Variants in TSPAN13 observed in about 807,000 individuals in gnomAD.
The protein encoded by TSPAN13 is tetraspanin 13, also known as tetraspanin-13.
TSPAN13 carries 18 observed loss-of-function variants against 26.9 expected under a neutral mutation model. The ratio of observed to expected loss-of-function variants is 0.67; its 90% CI spans 0.46 to 0.99. TSPAN13 has a LOEUF of 0.99. Among genes scored for constraint, TSPAN13 ranks in the 50% least tolerant of loss-of-function variants. The pLI is 0.00. For synonymous variants in TSPAN13, 116 were observed against 98.4 expected, an observed-to-expected ratio of 1.18 and a Z score of -1.06; for missense variants, 201 against 249.6, an observed-to-expected ratio of 0.81 and a Z score of 1.31.
chr7:16,777,974 G>A (rs1379704573), intron 4 of TSPAN13, 63 bp downstream of exon 4: 14 of 1,181,484 alleles, frequency 1.2e-5, no homozygotes, highest in Admixed American at 2.1e-5. Flanking sequence ...GATTAATGTG[G>A]AAGAAATGGA....
At chr7:16,767,933 A>T (rs1229461142) in intron 1 of TSPAN13, among the ~76,000 whole-genome samples, 1 of 151,872 alleles carries the variant, frequency 6.6e-6, no homozygotes, top group East Asian at 1.9e-4. Context: ...TACTTTTGAG[A>T]TGGAGTATCG....
At chr7:16,783,381 CTTTT>C in intron 5 of TSPAN13, 32 bp from the exon 6 acceptor site, 1 of 1,584,500 alleles carries the variant, frequency 6.3e-7, no homozygotes, top group Non-Finnish European at 8.7e-7. Flanking sequence ...ATGTTACTTT[CTTTT>C]TCTTTACTTT....
At chr7:16,766,298 C>T (rs1001089846) in intron 1 of TSPAN13, among the ~76,000 whole-genome samples, 5 of 152,168 alleles carry the variant, frequency 3.3e-5, no homozygotes, top group Non-Finnish European at 2.9e-5. Flanking sequence ...TGTACAGTTT[C>T]GCTGTTGCTG....
At chr7:16,781,520 G>C (rs1343531380) in intron 5 of TSPAN13, among the ~76,000 whole-genome samples, 2 of 152,168 alleles carry the variant, frequency 1.3e-5, no homozygotes, top group African/African-American at 4.8e-5. Context: ...TTTGCATTTT[G>C]GATGTAGCCT....
Position 16,783,129 on chromosome 7 carries a change from C to T in TSPAN13, c.541-288C>T, listed in dbSNP as rs929594110. ...TTATCTTGAGACCCTTAACCACACC[C>T]GCAAAGTCCCTGTTACTGTGTAAGG... On this transcript the variant is annotated intron_variant, in intron 5 of 5. Coordinates refer to ENST00000262067, the MANE Select transcript of TSPAN13 (RefSeq NM_014399.4). Among the ~76,000 whole-genome samples the T allele has an allele frequency of 3.3e-5, 5 of 152,240 alleles. No homozygotes were observed. In the East Asian group the frequency reaches 7.7e-4, roughly 23 times the overall value.
chr7:16,762,662 A>C (rs900764652), intron 1 of TSPAN13, among the ~76,000 whole-genome samples: 12 of 152,172 alleles, frequency 7.9e-5, no homozygotes, highest in African/African-American at 2.9e-4. Context: ...TATTATTTTC[A>C]CGGAAAAAGA....
At chr7:16,775,594 G>C (rs1784733277) in intron 1 of TSPAN13, among the ~76,000 whole-genome samples, 1 of 152,210 alleles carries the variant, frequency 6.6e-6, no homozygotes, top group South Asian at 2.1e-4. Flanking sequence ...TCTTGTGATA[G>C]ATTCTGGGGC....
chr7:16,775,991 C>G (rs1456948588), intron 1 of TSPAN13: 5 of 399,212 alleles, frequency 1.3e-5, no homozygotes, highest in Non-Finnish European at 1.7e-5. Flanking sequence ...CTTTTTTTTT[C>G]TTTTGCAAGA....
Position 16,758,503 on chromosome 7 carries a change from T to C in TSPAN13, c.63+4473T>C, listed in dbSNP as rs189020442. Reference sequence around the variant, plus strand: ...TTGTTACAGCTTCAGGTGGAAAAAGTTGAATTTTGCTGAATTTATAGACTT... The same window carrying C: ...TTGTTACAGCTTCAGGTGGAAAAAGCTGAATTTTGCTGAATTTATAGACTT... On this transcript the variant is annotated intron_variant, in intron 1 of 5. Coordinates refer to ENST00000262067, the MANE Select transcript of TSPAN13 (RefSeq NM_014399.4). Among the ~76,000 whole-genome samples, 6 of 152,210 alleles carry C rather than the reference T, an allele frequency of 3.9e-5. No individual in the cohort carries two copies. The East Asian group carries it at 1.2e-3, about 29-fold the overall frequency.
At chr7:16,759,536 C>T (rs1784518072) in intron 1 of TSPAN13, among the ~76,000 whole-genome samples, 2 of 152,106 alleles carry the variant, frequency 1.3e-5, no homozygotes, top group Non-Finnish European at 2.9e-5. Context: ...TTGGGGATTA[C>T]ATTTCAACAT....
At chr7:16,766,600 C>G (rs1281361195) in intron 1 of TSPAN13, among the ~76,000 whole-genome samples, 1 of 152,164 alleles carries the variant, frequency 6.6e-6, no homozygotes. Flanking sequence ...CCTCCTCTTT[C>G]CTAAATTGGA....
intron 5 of TSPAN13, among the ~76,000 whole-genome samples, chr7:16,782,794 C>T (rs753074452): frequency 5.3e-5 from 8 of 152,126 alleles, no homozygotes; most frequent in Non-Finnish European, 7.4e-5. Context: ...ACTACTTTGA[C>T]TTTGTATTAG....
intron 5 of TSPAN13, among the ~76,000 whole-genome samples, chr7:16,782,341 A>T (rs992818783): frequency 1.3e-5 from 2 of 151,230 alleles, no homozygotes; most frequent in Admixed American, 6.6e-5. Flanking sequence ...AGAATCTGGG[A>T]CTTACCTAAC....
intron 1 of TSPAN13, among the ~76,000 whole-genome samples, chr7:16,770,320 T>G (rs1363556064): frequency 1.3e-5 from 2 of 152,076 alleles, no homozygotes; most frequent in South Asian, 2.1e-4. Flanking sequence ...ATTCTCCTGC[T>G]TCAGCCTCCC....
intron 1 of TSPAN13, among the ~76,000 whole-genome samples, chr7:16,765,982 C>G (rs1424859969): frequency 1.3e-5 from 2 of 152,192 alleles, no homozygotes; most frequent in East Asian, 3.8e-4. Flanking sequence ...TTCACAATTA[C>G]AAACCAGCCA....
chr7:16,757,477 G>A (rs1345110636), intron 1 of TSPAN13, among the ~76,000 whole-genome samples: 1 of 151,034 alleles, frequency 6.6e-6, no homozygotes, highest in Non-Finnish European at 1.5e-5. Flanking sequence ...TTCTTAACCA[G>A]AGAAGAAAGC....
intron 1 of TSPAN13, among the ~76,000 whole-genome samples, chr7:16,768,941 A>C (rs1784642917): frequency 1.3e-5 from 2 of 152,000 alleles, no homozygotes; most frequent in Non-Finnish European, 2.9e-5. Context: ...CAGTGGCGTG[A>C]TCTTGGCTCA....
intron 1 of TSPAN13, among the ~76,000 whole-genome samples, chr7:16,760,760 C>G (rs562207286): frequency 6.6e-6 from 1 of 152,216 alleles, no homozygotes; most frequent in East Asian, 2.0e-4. Flanking sequence ...AGGTTGGTGT[C>G]TCAGAAGTCA....
rs768062274 is a variant in TSPAN13, at chr7:16,783,981, ATTGT to A, written c.*492_*495del. The A allele has an allele frequency of 1.0e-3, 73 of 71,162 alleles. No homozygotes were observed. The highest frequency in any genetic ancestry group is 2.1e-3 in the Admixed American group (11 of 5,276). 4.4% of individuals were successfully genotyped at this position (71,162 alleles called of 1,614,324 possible). ...ATTTTTTTTGGTCTTTTTAGGAAAG[ATTGT>A]TGTGGTAAAAAGTGTTAGTATAAAA... On this transcript the variant is annotated 3_prime_UTR_variant, in exon 6 of 6. Transcript: ENST00000262067.
Sources: gnomAD v4.1 joint callset for allele counts (sites outside exome capture counted in the v4.1 genomes callset) on GRCh38, gnomAD v4.1.1 for gene constraint, MANE v1.5 for transcripts, NCBI Gene and HGNC (gene_info 2026-07-23, HGNC 2026-07-21) for gene names.